The following IGFBP7 variants were observed in gnomAD, a reference collection of about 807,000 sequenced individuals.
The protein encoded by IGFBP7 is insulin like growth factor binding protein 7, also known as insulin-like growth factor-binding protein 7.
In IGFBP7, 31 loss-of-function variants were observed where a neutral mutation model predicts 29.4. The observed-to-expected ratio is 1.05, with a 90% confidence interval of 0.79 to 1.42. IGFBP7 has a LOEUF of 1.42. IGFBP7 is among the 40% of genes most tolerant of loss of function. The probability of loss-of-function intolerance (pLI) is 0.00; values close to 1 mark genes in which losing one functional copy is unlikely to be tolerated. For synonymous variants in IGFBP7, 172 were observed against 174.9 expected (o/e 0.98, Z 0.13); for missense variants, 393 against 395.5 (o/e 0.99, Z 0.05).
rs779438957 is a variant in IGFBP7 at position 57,033,305 on chromosome 4, T to G, written c.592A>C (p.Arg198=). ...GTCCTTTGAACTCCATAGTGACCCC[T>G]TTTTACCTGCAAAAACAAAAGGAGA... ...TPVLIWNKVK[R]GHYGVQRTEL... Residue 198 remains arginine (R), a synonymous_variant, in exon 3 of 5, where the codon AGG becomes CGG. Coordinates refer to ENST00000295666, the MANE Select transcript of IGFBP7 (RefSeq NM_001553.3). 1.2e-6 allele frequency: 2 copies of G among 1,609,098 alleles called. No homozygotes were observed. Among genetic ancestry groups the G allele is most frequent in the African/African-American group, 1.3e-5 (1 of 74,800 alleles).
chr4:57,092,659 A>G (rs1038242847), intron 1 of IGFBP7, among the ~76,000 whole-genome samples: 1 of 150,826 alleles, frequency 6.6e-6, no homozygotes, highest in Non-Finnish European at 1.5e-5. Flanking sequence ...ATGTCAATAC[A>G]TAAAAATTTA....
chr4:57,098,613 C>G (rs950221187), intron 1 of IGFBP7, among the ~76,000 whole-genome samples: 1 of 152,202 alleles, frequency 6.6e-6, no homozygotes, highest in Non-Finnish European at 1.5e-5. Context: ...AAGCCCTGGC[C>G]TGTCAAATAT....
At chr4:57,085,070 T>C (rs1289796630) in intron 1 of IGFBP7, among the ~76,000 whole-genome samples, 1 of 152,124 alleles carries the variant, frequency 6.6e-6, no homozygotes, top group East Asian at 1.9e-4. Flanking sequence ...ATTACAGATG[T>C]GAGCCACTGC....
At chr4:57,099,699 A>G (rs2109802852) in intron 1 of IGFBP7, among the ~76,000 whole-genome samples, 1 of 152,158 alleles carries the variant, frequency 6.6e-6, no homozygotes, top group East Asian at 1.9e-4. Context: ...TCCTTCAAGA[A>G]CCTCTGGATT....
intron 1 of IGFBP7, among the ~76,000 whole-genome samples, chr4:57,076,620 A>G (rs1385197550): frequency 6.6e-6 from 1 of 152,190 alleles, no homozygotes; most frequent in Non-Finnish European, 1.5e-5. Flanking sequence ...CCGACAGATT[A>G]AAGGATCTTG....
chr4:57,084,600 A>AG (rs1725450336), intron 1 of IGFBP7, among the ~76,000 whole-genome samples: 1 of 152,078 alleles, frequency 6.6e-6, no homozygotes, highest in African/African-American at 2.4e-5. Context: ...GAACACGTGC[A>AG]GCAATTCTTG....
chr4:57,039,462 G>C (rs137970082), intron 2 of IGFBP7, among the ~76,000 whole-genome samples: 19 of 152,170 alleles, frequency 1.2e-4, no homozygotes, highest in Admixed American at 1.2e-3. Flanking sequence ...CTCACGACAG[G>C]GGGGATGGGG....
At chr4:57,051,734 C>T (rs913444963) in intron 1 of IGFBP7, among the ~76,000 whole-genome samples, 3 of 152,210 alleles carry the variant, frequency 2.0e-5, no homozygotes, top group African/African-American at 7.2e-5. Context: ...AGTTATTTCA[C>T]TTCCCCTGCT....
intron 1 of IGFBP7, among the ~76,000 whole-genome samples, chr4:57,083,273 G>A (rs1300494443): frequency 6.6e-6 from 1 of 152,140 alleles, no homozygotes; most frequent in Non-Finnish European, 1.5e-5. Flanking sequence ...TGGCAATAGT[G>A]CAGGAAGGTC....
At chr4:57,062,522 A>G (rs1018144167) in intron 1 of IGFBP7, among the ~76,000 whole-genome samples, 2 of 152,190 alleles carry the variant, frequency 1.3e-5, no homozygotes, top group Non-Finnish European at 2.9e-5. Flanking sequence ...GGTGGGAATC[A>G]TCCTCCTTTT....
At chr4:57,097,087 C>A (rs1274401326) in intron 1 of IGFBP7, among the ~76,000 whole-genome samples, 1 of 152,064 alleles carries the variant, frequency 6.6e-6, no homozygotes, top group East Asian at 1.9e-4. Flanking sequence ...ATGAACCATC[C>A]AACAAAAATT....
intron 1 of IGFBP7, among the ~76,000 whole-genome samples, chr4:57,072,477 G>C (rs1190697371): frequency 6.6e-6 from 1 of 152,098 alleles, no homozygotes; most frequent in Admixed American, 6.5e-5. Flanking sequence ...ATGATACAAC[G>C]AGCTGTGTTC....
chr4:57,035,105 A>G (rs563392318), intron 2 of IGFBP7, among the ~76,000 whole-genome samples: 2 of 152,344 alleles, frequency 1.3e-5, no homozygotes, highest in East Asian at 3.9e-4. Flanking sequence ...TGACCAAAGC[A>G]AGAAAATAAA....
chr4:57,083,389 T>C (rs1049197724), intron 1 of IGFBP7, among the ~76,000 whole-genome samples: 3 of 152,206 alleles, frequency 2.0e-5, no homozygotes, highest in Non-Finnish European at 4.4e-5. Context: ...TAATTGCATT[T>C]CAGGACTTGT....
chr4:57,062,635 A>G (rs1383357915), intron 1 of IGFBP7, among the ~76,000 whole-genome samples: 1 of 152,214 alleles, frequency 6.6e-6, no homozygotes, highest in Non-Finnish European at 1.5e-5. Context: ...TTTTTATTGG[A>G]TTTTAATGTT....
At chr4:57,073,241 T>C in intron 1 of IGFBP7, 1 of 377,654 alleles carries the variant, frequency 2.6e-6, no homozygotes, top group Non-Finnish European at 4.1e-6. Flanking sequence ...GTGGTATTAT[T>C]ATTATTATTA....
chr4:57,082,070 C>T (rs998913166), intron 1 of IGFBP7, among the ~76,000 whole-genome samples: 1 of 152,152 alleles, frequency 6.6e-6, no homozygotes, highest in Non-Finnish European at 1.5e-5. Flanking sequence ...CACTGATTAG[C>T]AAGTAGGGGA....
At chr4:57,078,442 G>A (rs1199535278) in intron 1 of IGFBP7, among the ~76,000 whole-genome samples, 2 of 151,856 alleles carry the variant, frequency 1.3e-5, no homozygotes, top group African/African-American at 4.8e-5. Context: ...ACTACTTGGT[G>A]TAGCTGATGG....
At chr4:57,041,728 G>A (rs1234366944) in intron 1 of IGFBP7, among the ~76,000 whole-genome samples, 1 of 151,758 alleles carries the variant, frequency 6.6e-6, no homozygotes. Context: ...TTGTAGAGAC[G>A]GGGTCTTGCT....
Sources: gnomAD v4.1 joint callset for allele counts (sites outside exome capture counted in the v4.1 genomes callset) on GRCh38, gnomAD v4.1.1 for gene constraint, MANE v1.5 for transcripts, NCBI Gene and HGNC (gene_info 2026-07-23, HGNC 2026-07-21) for gene names.